RPL39L: variants seen among roughly 807,000 people sequenced by gnomAD.
RPL39L encodes the protein ribosomal protein L39 like, also known as ribosomal protein eL39-like 2.
For synonymous variants in RPL39L, 16 were observed against 20.1 expected, an observed-to-expected ratio of 0.80 and a Z score of 0.55; for missense variants, 48 against 58.9, an observed-to-expected ratio of 0.81 and a Z score of 0.61.
At chr3:187,138,330 T>C (rs959224528) in intron 1 of RPL39L, among the ~76,000 whole-genome samples, 10 of 152,190 alleles carry the variant, frequency 6.6e-5, no homozygotes, top group African/African-American at 2.2e-4. Flanking sequence ...CTGAGCCCTA[T>C]GTGACTGCAC....
intron 1 of RPL39L, among the ~76,000 whole-genome samples, chr3:187,138,678 C>T (rs1560202907): frequency 6.6e-6 from 1 of 152,160 alleles, no homozygotes; most frequent in South Asian, 2.1e-4. Context: ...GGTGGCAGGG[C>T]GGAACATGGA....
chr3:187,131,525 G>A (rs966404632), intron 1 of RPL39L, among the ~76,000 whole-genome samples: 10 of 152,144 alleles, frequency 6.6e-5, no homozygotes, highest in African/African-American at 2.2e-4. Flanking sequence ...GACAGAGAGA[G>A]ACTCCTTCTC....
At chr3:187,137,015 G>A (rs960463536) in intron 1 of RPL39L, among the ~76,000 whole-genome samples, 1 of 151,502 alleles carries the variant, frequency 6.6e-6, no homozygotes, top group Non-Finnish European at 1.5e-5. Flanking sequence ...GCCCGAGTAT[G>A]TTTCTCATAG....
chr3:187,138,379 ATG>A (rs1720622130), intron 1 of RPL39L, among the ~76,000 whole-genome samples: 1 of 152,162 alleles, frequency 6.6e-6, no homozygotes, highest in Non-Finnish European at 1.5e-5. Flanking sequence ...GTCAGGGTTT[ATG>A]TCTCTGGATG....
intron 1 of RPL39L, among the ~76,000 whole-genome samples, chr3:187,132,168 A>G (rs1195648768): frequency 2.0e-5 from 3 of 152,238 alleles, no homozygotes; most frequent in African/African-American, 7.2e-5. Context: ...GGTATTGCCC[A>G]TGGTAACATA....
intron 1 of RPL39L, among the ~76,000 whole-genome samples, chr3:187,131,232 T>A (rs759255562): frequency 7.9e-5 from 12 of 152,056 alleles, no homozygotes; most frequent in Non-Finnish European, 1.3e-4. Context: ...AATCCCAGCA[T>A]TTTGGGAGGC....
chr3:187,139,060 A>AAAACAAAC (rs112153457), intron 1 of RPL39L, among the ~76,000 whole-genome samples, 153 bp downstream of exon 1: 2,352 of 148,036 alleles, frequency 0.016, 58 homozygotes, highest in African/African-American at 0.055. Flanking sequence ...CCTGTCTCAA[A>AAAACAAAC]AAACAAACAA....
chr3:187,135,441 A>C (rs1015361277), intron 1 of RPL39L, among the ~76,000 whole-genome samples: 5 of 152,182 alleles, frequency 3.3e-5, no homozygotes, highest in Non-Finnish European at 4.4e-5. Flanking sequence ...GATGGCTTTA[A>C]AAATGGAAGT....
chr3:187,128,910 C>A (rs1720442594), intron 1 of RPL39L, among the ~76,000 whole-genome samples: 1 of 152,220 alleles, frequency 6.6e-6, no homozygotes, highest in Non-Finnish European at 1.5e-5. Flanking sequence ...TAACACCTAG[C>A]CAGACCCTAT....
At chr3:187,136,433 G>C (rs1171551427) in intron 1 of RPL39L, among the ~76,000 whole-genome samples, 1 of 152,200 alleles carries the variant, frequency 6.6e-6, no homozygotes, top group Non-Finnish European at 1.5e-5. Context: ...GTAGAGATAG[G>C]TCTGCCAGCA....
intron 1 of RPL39L, among the ~76,000 whole-genome samples, chr3:187,130,745 C>T (rs901876967): frequency 2.0e-5 from 3 of 152,184 alleles, no homozygotes; most frequent in Non-Finnish European, 4.4e-5. Context: ...AATCATTTGA[C>T]AAAAATTTTC....
chr3:187,122,119 G>A (rs752986875), intron 2 of RPL39L, among the ~76,000 whole-genome samples: 7 of 152,224 alleles, frequency 4.6e-5, no homozygotes, highest in Non-Finnish European at 8.8e-5. Context: ...GCCACTGGCT[G>A]TGCATACTAA....
intron 1 of RPL39L, among the ~76,000 whole-genome samples, chr3:187,137,432 C>A (rs967244083): frequency 6.6e-6 from 1 of 151,862 alleles, no homozygotes; most frequent in African/African-American, 2.4e-5. Context: ...ATCACCTGAA[C>A]CCGGGAGGCG....
At chr3:187,129,755 A>C (rs1174879044) in intron 1 of RPL39L, among the ~76,000 whole-genome samples, 1 of 152,148 alleles carries the variant, frequency 6.6e-6, no homozygotes, top group Non-Finnish European at 1.5e-5. Context: ...TTAAGAAACC[A>C]ATCTATAAAA....
chr3:187,126,279 A>G (rs1268970028), intron 2 of RPL39L, among the ~76,000 whole-genome samples: 1 of 151,300 alleles, frequency 6.6e-6, no homozygotes, highest in African/African-American at 2.4e-5. Context: ...CTCCTGCCTC[A>G]GCCTCCCGAG....
At chr3:187,123,597 A>G (rs1261124571) in intron 2 of RPL39L, among the ~76,000 whole-genome samples, 1 of 152,206 alleles carries the variant, frequency 6.6e-6, no homozygotes, top group African/African-American at 2.4e-5. Context: ...ACTTCAGAAA[A>G]AAAGTCTTCA....
chr3:187,120,962 G>T lies in RPL39L; in HGVS notation c.*183C>A. On this transcript the variant is annotated 3_prime_UTR_variant, in exon 3 of 3. Coordinates refer to ENST00000296277, the MANE Select transcript of RPL39L (RefSeq NM_052969.3). ...TGACAGAGACATTTTTGAAACAAAAGCTTTCACATATTTATTACTGAATCC... is the reference window on the plus strand; with the variant it reads ...TGACAGAGACATTTTTGAAACAAAATCTTTCACATATTTATTACTGAATCC... The T allele has an allele frequency of 1.5e-6, 1 of 650,852 alleles. No homozygotes were observed. The highest frequency in any genetic ancestry group is 2.7e-5 in the East Asian group (1 of 37,238). The allele number at this position is 650,852 out of a possible 1,614,324, so 40.3% of individuals were successfully genotyped here.
At chr3:187,136,171 G>T (rs1358811435) in intron 1 of RPL39L, among the ~76,000 whole-genome samples, 1 of 152,014 alleles carries the variant, frequency 6.6e-6, no homozygotes, top group African/African-American at 2.4e-5. Context: ...AAATTTACAG[G>T]TAATTTTCTG....
At chr3:187,121,421 C>A in intron 2 of RPL39L, 93 bp from the exon 3 acceptor site, 1 of 1,287,842 alleles carries the variant, frequency 7.8e-7, no homozygotes, top group Non-Finnish European at 1.1e-6. Flanking sequence ...GAAAGAGGAT[C>A]TTTAGTGCCA....
Sources: allele counts gnomAD v4.1 joint callset (sites outside exome capture counted in the v4.1 genomes callset), GRCh38; gene constraint gnomAD v4.1.1; transcripts MANE v1.5; gene names NCBI Gene and HGNC (gene_info 2026-07-23, HGNC 2026-07-21).